Variants in UBAC1 observed in about 807,000 individuals in gnomAD.
The protein encoded by UBAC1 is ubiquitin-associated domain-containing protein 1.
In UBAC1, 27 loss-of-function variants were observed where a neutral mutation model predicts 45.9. The observed-to-expected ratio is 0.59, with a 90% CI of 0.43 to 0.81. UBAC1 has a LOEUF of 0.81. Ranked by LOEUF, UBAC1 falls within the 30% of genes least tolerant of loss-of-function variation. The pLI is 0.00. For synonymous variants in UBAC1, 227 were observed against 215.5 expected, an observed-to-expected ratio of 1.05 and a Z score of -0.47; for missense variants, 529 against 539.2, an observed-to-expected ratio of 0.98 and a Z score of 0.19.
chr9:135,958,823 T>C (rs933604332), intron 1 of UBAC1, among the ~76,000 whole-genome samples: 1 of 152,176 alleles, frequency 6.6e-6, no homozygotes, highest in Non-Finnish European at 1.5e-5. Flanking sequence ...GACGCTCAGC[T>C]CTGGAGTCCT....
intron 6 of UBAC1, 96 bp downstream of exon 6, chr9:135,945,793 A>G: frequency 1.1e-6 from 1 of 909,544 alleles, no homozygotes; most frequent in Admixed American, 2.4e-5. Context: ...ATTCAGTCAA[A>G]GAGTTTAGGG....
intron 3 of UBAC1, 46 bp from the exon 4 acceptor site, chr9:135,947,951 G>T: frequency 6.5e-7 from 1 of 1,546,752 alleles, no homozygotes; most frequent in Non-Finnish European, 8.8e-7. Flanking sequence ...CGTAAGAGCA[G>T]CAAAAAGACG....
At chr9:135,943,408 T>C (rs1839291373) in intron 7 of UBAC1, among the ~76,000 whole-genome samples, 1 of 152,106 alleles carries the variant, frequency 6.6e-6, no homozygotes, top group Non-Finnish European at 1.5e-5. Context: ...CACAATGAGA[T>C]ACCATCTCAT....
intron 9 of UBAC1, among the ~76,000 whole-genome samples, chr9:135,937,622 GTTTA>G (rs1338221584): frequency 6.6e-6 from 1 of 152,058 alleles, no homozygotes; most frequent in East Asian, 1.9e-4. Context: ...ATGAGAGATT[GTTTA>G]AGGAGACACA....
At chr9:135,957,708 T>C (rs940379019) in intron 1 of UBAC1, among the ~76,000 whole-genome samples, 1 of 151,490 alleles carries the variant, frequency 6.6e-6, no homozygotes, top group Non-Finnish European at 1.5e-5. Context: ...ATCTAGGAAA[T>C]GGAAAATTTA....
rs747005393 is a variant in UBAC1, at chr9:135,938,238, G to T, written c.1086C>A (p.Asn362Lys). ...DNPVVQLGLTNPKTLLAFEDM... is the reference protein window; with the variant it reads ...DNPVVQLGLTKPKTLLAFEDM... ...CGCACATACCTAGCAATGTTTTCGG[G>T]TTGGTCAGGCCCAGCTGCACCACCG... Residue 362 changes from asparagine (N) to lysine (K), a missense_variant, in exon 9 of 10, where the codon AAC becomes AAA. Physicochemically the swap from Asn to Lys is moderately conservative, Grantham distance 94 (BLOSUM62 0). Coordinates refer to ENST00000371756, the MANE Select transcript of UBAC1 (RefSeq NM_016172.3). 1 of 1,614,064 alleles carries T rather than the reference G, an allele frequency of 6.2e-7. No individual in the cohort carries two copies. Among genetic ancestry groups the T allele is most frequent in the East Asian group, 2.2e-5 (1 of 44,878 alleles).
In UBAC1 at chr9:135,945,132, C is replaced by G; in HGVS notation, c.772G>C (p.Glu258Gln). The change falls in exon 7 of 10, where the codon GAG (glutamate) becomes CAG (glutamine). Residue 258 changes from glutamate (E) to glutamine (Q), a missense_variant. Physicochemically the swap from Glu to Gln is conservative, Grantham distance 29. Transcript: ENST00000371756. ...EAEGATAAAS[E>Q]AAAGASATDE... Reference sequence around the variant, plus strand: ...GTGGCGCTGGCTCCCGCGGCAGCCTCGGAGGCAGCTGCTGTGGCCCCCTCG... The same window carrying G: ...GTGGCGCTGGCTCCCGCGGCAGCCTGGGAGGCAGCTGCTGTGGCCCCCTCG... 2.5e-6 allele frequency: 4 copies of G among 1,613,988 alleles called. No homozygotes were observed. The highest frequency in any genetic ancestry group is 3.4e-6 in the Non-Finnish European group (4 of 1,179,976).
Position 135,945,884 on chromosome 9 carries a change from C to T in UBAC1, c.653+5G>A. ...GGCAAGGGAAGGAGGTGGCCCCCCA[C>T]GCACTGGTTCAGCTGAAGGGCCTTG... On this transcript the variant is annotated splice_donor_5th_base_variant and intron_variant, in intron 6 of 9. Transcript: ENST00000371756. 4 of 1,613,346 alleles carry T rather than the reference C, an allele frequency of 2.5e-6. No individual in the cohort carries two copies. Among genetic ancestry groups the T allele is most frequent in the East Asian group, 2.2e-5 (1 of 44,864 alleles).
At position 135,945,060 on chromosome 9, in the gene UBAC1, G is replaced by C; in HGVS notation, c.844C>G (p.Arg282Gly). The C allele has an allele frequency of 6.2e-7, 1 of 1,613,828 alleles. No individual in the cohort carries two copies. The highest frequency in any genetic ancestry group is 1.3e-5 in the African/African-American group (1 of 75,052). ...DELTEIFKKI[R>G]RKREFRADAR... is the part of the protein sequence containing the mutation. The stretch of plus-strand genomic sequence containing the variant: ...TCAGCCCGAAACTCCCTTTTCCTCC[G>C]GATCTTCTTGAAGATTTCCGTCAGC... The change falls in exon 7 of 10, where the codon CGG (arginine) becomes GGG (glycine). Residue 282 changes from arginine (R) to glycine (G), a missense_variant. Arg to Gly is a moderately radical substitution (Grantham distance 125, BLOSUM62 -2). Coordinates refer to ENST00000371756, the MANE Select transcript of UBAC1 (RefSeq NM_016172.3).
At position 135,945,658 on chromosome 9, in the gene UBAC1, C is replaced by T. The variant is rs1016859257; in HGVS notation, c.653+231G>A. ...CCGTGTCCCTGCTACGAACGGGATT[C>T]ACCTTGAGTTCTCATACAACGGCCC... On this transcript the variant is annotated intron_variant, in intron 6 of 9. Transcript: ENST00000371756. 5.2e-6 allele frequency: 3 copies of T among 576,784 alleles called. No individual in the cohort carries two copies. The Admixed American group carries it at 9.1e-5, about 17-fold the overall frequency. The allele number at this position is 576,784 out of a possible 1,614,324, so 35.7% of individuals were successfully genotyped here.
Position 135,961,212 on chromosome 9 carries a change from C to A in UBAC1, c.-50G>T. The A allele has an allele frequency of 6.9e-7, 1 of 1,449,342 alleles. No individual in the cohort carries two copies. The highest frequency in any genetic ancestry group is 1.3e-5 in the South Asian group (1 of 75,560). The allele number at this position is 1,449,342 out of a possible 1,614,324, so 89.8% of individuals were successfully genotyped here. The stretch of plus-strand genomic sequence containing the variant: ...GCCCGCCACCCGGGCCCCTGAAGGT[C>A]ACCGGGAAGGCGGGCGGGGAGGGGG... On this transcript the variant is annotated 5_prime_UTR_variant, in exon 1 of 10. Coordinates refer to ENST00000371756, the MANE Select transcript of UBAC1 (RefSeq NM_016172.3).
At chr9:135,953,357 G>A (rs537063370) in intron 3 of UBAC1, among the ~76,000 whole-genome samples, 13 of 151,746 alleles carry the variant, frequency 8.6e-5, no homozygotes, top group African/African-American at 2.9e-4. Context: ...TTACTCTGTC[G>A]CCAGGCTGGA....
chr9:135,948,042 C>T (rs2297689), intron 3 of UBAC1, 137 bp from the exon 4 acceptor site: 512,610 of 726,564 alleles, frequency 0.71, 181,513 homozygotes, highest in East Asian at 0.78. Flanking sequence ...CCTTGATGAG[C>T]TGGGGGAGCC....
rs951152931 is a variant in UBAC1, at chr9:135,955,212, G to A, written c.259+83C>T. 10 of 1,381,208 alleles carry A rather than the reference G, an allele frequency of 7.2e-6. No homozygotes were observed. The Admixed American group carries it at 1.9e-4, about 26-fold the overall frequency. 85.6% of individuals were successfully genotyped at this position (1,381,208 alleles called of 1,614,324 possible). A position where few individuals can be genotyped will look rare whatever the true frequency, so the allele number is the denominator to read the frequency against. On this transcript the variant is annotated intron_variant, in intron 2 of 9. Transcript: ENST00000371756. The stretch of plus-strand genomic sequence containing the variant: ...TCCAGCTCAGAACACTGACTCCTGT[G>A]GGTGGACCACCCCCTCCTGGCTCCA...
At chr9:135,943,576 T>C (rs556235886) in intron 7 of UBAC1, among the ~76,000 whole-genome samples, 20 of 152,232 alleles carry the variant, frequency 1.3e-4, no homozygotes, top group Admixed American at 2.6e-4. Flanking sequence ...GAAACAGAAA[T>C]ACCATTTGTC....
rs113392598 is a variant in UBAC1 at position 135,952,276 on chromosome 9, C to T, written c.333+1404G>A. On this transcript the variant is annotated intron_variant, in intron 3 of 9. Transcript: ENST00000371756. Reference sequence around the variant, plus strand: ...AGCTTATGCACTACCAGGCATGGGCCTAGCCCAAAAGAGTTTGACCTGCTC... The same window carrying T: ...AGCTTATGCACTACCAGGCATGGGCTTAGCCCAAAAGAGTTTGACCTGCTC... Among the ~76,000 whole-genome samples, 906 of 152,384 alleles carry T rather than the reference C, an allele frequency of 5.9e-3. 9 individuals carry two copies. The highest frequency in any genetic ancestry group is 0.02 in the African/African-American group (825 of 41,596).
rs763010954 is a variant in UBAC1 at position 135,945,142 on chromosome 9, T to C, written c.762A>G (p.Ala254=). ...QAPPEAEGAT[A]AASEAAAGAS... is the part of the protein sequence containing the mutation. ...CTCCCGCGGCAGCCTCGGAGGCAGC[T>C]GCTGTGGCCCCCTCGGCCTCTGGGG... Residue 254 remains alanine (A), a synonymous_variant, in exon 7 of 10, where the codon GCA becomes GCG. Transcript: ENST00000371756. 1.2e-6 allele frequency: 2 copies of C among 1,613,922 alleles called. No homozygotes were observed. The highest frequency in any genetic ancestry group is 1.7e-6 in the Non-Finnish European group (2 of 1,179,952).
chr9:135,946,100 C>T (rs940123443), intron 5 of UBAC1, 103 bp from the exon 6 acceptor site: 7 of 1,206,186 alleles, frequency 5.8e-6, no homozygotes, highest in Middle Eastern at 1.9e-4. Context: ...TCCACCTGCC[C>T]GCCCTCAGGC....
intron 9 of UBAC1, among the ~76,000 whole-genome samples, chr9:135,935,150 A>G (rs1274801535): frequency 2.0e-5 from 3 of 152,016 alleles, no homozygotes; most frequent in African/African-American, 7.2e-5. Context: ...TCTTGCCTCA[A>G]CCTCCCAAAG....
Sources: allele counts gnomAD v4.1 joint callset (sites outside exome capture counted in the v4.1 genomes callset), GRCh38; gene constraint gnomAD v4.1.1; transcripts MANE v1.5; gene names NCBI Gene and HGNC (gene_info 2026-07-23, HGNC 2026-07-21).